TIAM1: variants seen among roughly 807,000 people sequenced by gnomAD.
The protein encoded by TIAM1 is TIAM Rac1 associated GEF 1.
In TIAM1, 65 loss-of-function variants were observed where a neutral mutation model predicts 163.5. The ratio of observed to expected loss-of-function variants is 0.40; its 90% CI spans 0.33 to 0.49. The LOEUF is 0.49. Among genes scored for constraint, TIAM1 ranks in the 20% least tolerant of loss-of-function variants. TIAM1 has a pLI of 0.77. For missense variants in TIAM1, 1,789 were observed against 2,044.7 expected, an observed-to-expected ratio of 0.87 and a Z score of 2.41; for synonymous variants, 833 against 810.1, an observed-to-expected ratio of 1.03 and a Z score of -0.48.
Position 31,388,250 on chromosome 21 carries a change from CACACACACA to C in TIAM1, c.-368-48837_-368-48829del, listed in dbSNP as rs760881750. Among the ~76,000 whole-genome samples, 180 of 98,264 alleles carry C rather than the reference CACACACACA, an allele frequency of 1.8e-3. 3 individuals are homozygous for C. The highest frequency in any genetic ancestry group is 4.6e-3 in the African/African-American group (119 of 26,126). The allele number at this position is 98,264 out of a possible 152,430, so 64.5% of individuals were successfully genotyped here. ...ACACACACACACACACACACACACA[CACACACACA>C]ACCTCTTACGTGAATACGGTGAATC... On this transcript the variant is annotated intron_variant, in intron 2 of 28. Transcript: ENST00000286827.
chr21:31,210,089 G>A lies in TIAM1; in HGVS notation c.2344C>T (p.Arg782Trp), dbSNP rs750489193. The A allele has an allele frequency of 9.9e-6, 16 of 1,613,974 alleles. No individual in the cohort carries two copies. Among genetic ancestry groups the A allele is most frequent in the Middle Eastern group, 1.6e-4 (1 of 6,078 alleles). The change falls in exon 11 of 28, where the codon CGG becomes TGG. Residue 782 changes from arginine to tryptophan, a missense_variant. Physicochemically the swap from Arg to Trp is moderately radical, Grantham distance 101. This residue lies in a region of TIAM1 where 456 missense variants were observed against 586.6 expected (regional missense o/e 0.78). Coordinates refer to ENST00000541036, the MANE Select transcript of TIAM1 (RefSeq NM_001353694.2). ...PNNQPALTVV[R>W]PGDTARDTLE... ...GTGTCCCGTGCAGTGTCGCCTGGCC[G>A]GACGACCGTCAGGGCAGGCTGATTA...
intron 2 of TIAM1, among the ~76,000 whole-genome samples, chr21:31,391,062 G>A (rs993833290): frequency 2.6e-5 from 4 of 151,984 alleles, no homozygotes; most frequent in Non-Finnish European, 5.9e-5. Context: ...GCCTTCTAGG[G>A]GCTCTTTCTT....
In TIAM1 at chr21:31,267,660, T is replaced by A. The variant is rs73902305; in HGVS notation, c.-11-677A>T. 9.3e-4 allele frequency among the ~76,000 whole-genome samples: 140 copies of A among 150,954 alleles called. No homozygotes were observed. The Middle Eastern group carries it at 0.01, about 11-fold the overall frequency. On this transcript the variant is annotated intron_variant, in intron 3 of 27. Coordinates refer to ENST00000541036, the MANE Select transcript of TIAM1 (RefSeq NM_001353694.2). Reference sequence around the variant, plus strand: ...AAAAAAAAAAAGCTTTGACCTTTAATGTCACAGCCTTCTGAGAACCTGGAT... The same window carrying A: ...AAAAAAAAAAAGCTTTGACCTTTAAAGTCACAGCCTTCTGAGAACCTGGAT...
chr21:31,484,402 G>A (rs546087024), intron 1 of TIAM1, among the ~76,000 whole-genome samples: 164 of 152,316 alleles, frequency 1.1e-3, no homozygotes, highest in Admixed American at 2.0e-3. Flanking sequence ...GTCAACACCT[G>A]CTGGTTGAAT....
In TIAM1 at chr21:31,550,268, T is replaced by C. The variant is rs375625197; in HGVS notation, c.-422+8659A>G. On this transcript the variant is annotated intron_variant, in intron 1 of 28. Coordinates refer to the TIAM1 transcript ENST00000286827. ...AACTGATACATGGATAAACAAAATG[T>C]AGTATACCCATACAATGGAATATTA... Among the ~76,000 whole-genome samples the C allele has an allele frequency of 5.3e-5, 8 of 152,240 alleles. No individual in the cohort carries two copies. The South Asian group carries it at 1.5e-3, about 28-fold the overall frequency.
At chr21:31,514,441 G>C (rs2047312943) in intron 1 of TIAM1, among the ~76,000 whole-genome samples, 1 of 151,174 alleles carries the variant, frequency 6.6e-6, no homozygotes, top group Non-Finnish European at 1.5e-5. Context: ...ACTTTGGGAG[G>C]CCAAAATGGG....
At chr21:31,491,292 G>A (rs1235715039) in intron 1 of TIAM1, among the ~76,000 whole-genome samples, 2 of 152,216 alleles carry the variant, frequency 1.3e-5, no homozygotes, top group East Asian at 1.9e-4. Flanking sequence ...CACCATGTGA[G>A]ATACTAAACC....
intron 2 of TIAM1, among the ~76,000 whole-genome samples, chr21:31,308,129 T>A (rs527887343): frequency 6.6e-6 from 1 of 152,124 alleles, no homozygotes; most frequent in Non-Finnish European, 1.5e-5. Flanking sequence ...TGTGCACCTG[T>A]AGACCCAGCT....
At chr21:31,492,045 G>A (rs375092395) in intron 1 of TIAM1, among the ~76,000 whole-genome samples, 2 of 143,498 alleles carry the variant, frequency 1.4e-5, no homozygotes, top group African/African-American at 2.5e-5. Flanking sequence ...ACTTATATAT[G>A]TGTGTATATA....
chr21:31,377,033 C>CTTTTT (rs35487868), intron 2 of TIAM1, among the ~76,000 whole-genome samples: 37 of 80,942 alleles, frequency 4.6e-4, no homozygotes, highest in South Asian at 5.6e-4. Context: ...TCATTTTTGT[C>CTTTTT]TTTTTTTTTT....
intron 6 of TIAM1, among the ~76,000 whole-genome samples, chr21:31,228,246 A>AGAAATAATCTGATAAGGATTTTTCCTTT (rs1569069014): frequency 7.3e-6 from 1 of 137,172 alleles, no homozygotes; most frequent in African/African-American, 2.8e-5. Context: ...AAAAAAAAAA[A>AGAAATAATCTGATAAGGATTTTTCCTTT]AAAAAAAAAA....
At chr21:31,398,308 A>G (rs779706669) in intron 2 of TIAM1, among the ~76,000 whole-genome samples, 1 of 152,102 alleles carries the variant, frequency 6.6e-6, no homozygotes, top group Non-Finnish European at 1.5e-5. Context: ...CTTACTTTTT[A>G]TGCCATCCTT....
chr21:31,262,938 A>G (rs2072556987), intron 4 of TIAM1, among the ~76,000 whole-genome samples: 1 of 137,448 alleles, frequency 7.3e-6, no homozygotes, highest in Admixed American at 7.1e-5. Flanking sequence ...TTTTACCAAA[A>G]AAAAAGAAAA....
At chr21:31,483,582 C>T (rs2046182014) in intron 1 of TIAM1, among the ~76,000 whole-genome samples, 1 of 151,992 alleles carries the variant, frequency 6.6e-6, no homozygotes, top group African/African-American at 2.4e-5. Context: ...TCCCAAGGGG[C>T]CAAGATTGGT....
rs550969875 is a variant in TIAM1, at chr21:31,221,401, C to A, written c.1995+2005G>T. Among the ~76,000 whole-genome samples the A allele has an allele frequency of 9.8e-5, 15 of 152,328 alleles. No individual in the cohort carries two copies. The Middle Eastern group carries it at 0.01, about 104-fold the overall frequency. ...TGGACTTCAATGTTCTTTAAAACCACTGACCAAAACACCTCAGAGTAACTA... is the reference window on the plus strand; with the variant it reads ...TGGACTTCAATGTTCTTTAAAACCAATGACCAAAACACCTCAGAGTAACTA... On this transcript the variant is annotated intron_variant, in intron 8 of 27. Coordinates refer to ENST00000541036, the MANE Select transcript of TIAM1 (RefSeq NM_001353694.2).
At chr21:31,509,705 G>A (rs868846692) in intron 1 of TIAM1, among the ~76,000 whole-genome samples, 1 of 152,156 alleles carries the variant, frequency 6.6e-6, no homozygotes, top group African/African-American at 2.4e-5. Context: ...CTGTCAGACA[G>A]AGATCATCTC....
intron 3 of TIAM1, among the ~76,000 whole-genome samples, chr21:31,274,207 T>G (rs1168234517): frequency 6.7e-6 from 1 of 150,056 alleles, no homozygotes; most frequent in Non-Finnish European, 1.5e-5. Flanking sequence ...AGTGCGAGAC[T>G]CCTTCTCAAA....
At chr21:31,386,636 G>C (rs113502212) in intron 2 of TIAM1, among the ~76,000 whole-genome samples, 7 of 152,218 alleles carry the variant, frequency 4.6e-5, no homozygotes, top group African/African-American at 1.7e-4. Context: ...CAAACTGCAG[G>C]GCAAGGGACC....
At chr21:31,180,049 G>A (rs938727873) in intron 15 of TIAM1, among the ~76,000 whole-genome samples, 1 of 151,826 alleles carries the variant, frequency 6.6e-6, no homozygotes, top group Non-Finnish European at 1.5e-5. Flanking sequence ...GGGATTACAG[G>A]CGCCTGCCAC....
Sources: gnomAD v4.1 joint callset for allele counts (sites outside exome capture counted in the v4.1 genomes callset) on GRCh38, gnomAD v4.1.1 for gene constraint, gnomAD v4.1.1 regional missense constraint, MANE v1.5 for transcripts, NCBI Gene and HGNC (gene_info 2026-07-23, HGNC 2026-07-21) for gene names.